The following GLI2 variants were observed in gnomAD, a reference collection of about 807,000 sequenced individuals.
The protein encoded by GLI2 is GLI family zinc finger 2.
GLI2 carries 22 observed loss-of-function variants against 78.9 expected under a neutral mutation model. The observed-to-expected ratio is 0.28, with a 90% CI of 0.20 to 0.40. GLI2 has a LOEUF of 0.40. Among genes scored for constraint, GLI2 ranks in the 10% least tolerant of loss-of-function variants. The probability of loss-of-function intolerance (pLI) is 1.00; values close to 1 mark genes in which losing one functional copy is unlikely to be tolerated. For missense variants in GLI2, 2,097 were observed against 2,213.2 expected (o/e 0.95, Z 1.05); for synonymous variants, 974 against 963.7 (o/e 1.01, Z -0.20).
At chr2:120,833,039 C>T (rs1278358097) in intron 2 of GLI2, among the ~76,000 whole-genome samples, 1 of 151,990 alleles carries the variant, frequency 6.6e-6, no homozygotes, top group East Asian at 2.0e-4. Flanking sequence ...CATGGCTGCC[C>T]ATGGCCTCTT....
At chr2:120,739,695 CG>C (rs1426555082) in intron 1 of GLI2, among the ~76,000 whole-genome samples, 1 of 152,164 alleles carries the variant, frequency 6.6e-6, no homozygotes, top group African/African-American at 2.4e-5. Flanking sequence ...AAAAGGAACC[CG>C]GGGGAGCACT....
intron 6 of GLI2, 35 bp from the exon 7 acceptor site, chr2:120,970,358 C>T (rs1280780825): frequency 5.2e-6 from 6 of 1,148,942 alleles, no homozygotes. Flanking sequence ...CTCCCGATCC[C>T]CCACCCCCAC....
At chr2:120,922,352 T>C (rs1335012834) in intron 2 of GLI2, among the ~76,000 whole-genome samples, 2 of 152,140 alleles carry the variant, frequency 1.3e-5, no homozygotes, top group Non-Finnish European at 2.9e-5. Context: ...TAGCTGGCCT[T>C]ATACATCCCT....
intron 1 of GLI2, among the ~76,000 whole-genome samples, chr2:120,791,402 C>G (rs1009667116): frequency 2.6e-5 from 4 of 152,204 alleles, no homozygotes; most frequent in South Asian, 2.1e-4. Context: ...GAGGAAAGGA[C>G]TGGTGCCCAG....
chr2:120,972,647 G>T (rs1205413645), intron 8 of GLI2: 1 of 518,816 alleles, frequency 1.9e-6, no homozygotes, highest in Non-Finnish European at 3.8e-6. Context: ...TGCCTGACTG[G>T]GTTCCATGCC....
At chr2:120,948,665 T>C (rs1246612939) in intron 3 of GLI2, among the ~76,000 whole-genome samples, 1 of 152,186 alleles carries the variant, frequency 6.6e-6, no homozygotes, top group Non-Finnish European at 1.5e-5. Context: ...GGGCCTGCTG[T>C]GTGGCCTCAC....
At chr2:120,824,757 A>C (rs574303089) in intron 2 of GLI2, among the ~76,000 whole-genome samples, 4 of 152,318 alleles carry the variant, frequency 2.6e-5, no homozygotes, top group African/African-American at 9.6e-5. Context: ...GTTCCAACCA[A>C]GTGGGACATG....
chr2:120,932,165 T>C (rs979217714), intron 3 of GLI2, among the ~76,000 whole-genome samples: 4 of 152,196 alleles, frequency 2.6e-5, no homozygotes, highest in African/African-American at 4.8e-5. Context: ...AAGCCCATGT[T>C]GTAGCTCGCT....
At chr2:120,748,290 A>G (rs1383271729) in intron 1 of GLI2, among the ~76,000 whole-genome samples, 1 of 152,248 alleles carries the variant, frequency 6.6e-6, no homozygotes, top group Admixed American at 6.5e-5. Flanking sequence ...CAGAGAATGC[A>G]AAGTCCTGTC....
chr2:120,921,190 C>T (rs1679360688), intron 2 of GLI2, among the ~76,000 whole-genome samples: 1 of 152,126 alleles, frequency 6.6e-6, no homozygotes. Context: ...TCAGGGTCAA[C>T]CTTTATCCCT....
chr2:120,947,177 C>T (rs1234107766), intron 3 of GLI2, among the ~76,000 whole-genome samples: 1 of 152,182 alleles, frequency 6.6e-6, no homozygotes, highest in Non-Finnish European at 1.5e-5. Context: ...CCCTGCTTAC[C>T]ACCAACCAGT....
intron 2 of GLI2, among the ~76,000 whole-genome samples, chr2:120,908,595 C>T (rs1678658907): frequency 6.6e-6 from 1 of 152,110 alleles, no homozygotes; most frequent in African/African-American, 2.4e-5. Context: ...GCAGTTTCCC[C>T]TTCCTAGGAG....
At chr2:120,815,433 C>T (rs1685447168) in intron 2 of GLI2, among the ~76,000 whole-genome samples, 2 of 152,152 alleles carry the variant, frequency 1.3e-5, no homozygotes, top group Non-Finnish European at 2.9e-5. Context: ...TGACTTGCTA[C>T]CATGCAGACA....
chr2:120,822,665 G>T (rs1425287588), intron 2 of GLI2, among the ~76,000 whole-genome samples: 1 of 152,202 alleles, frequency 6.6e-6, no homozygotes, highest in African/African-American at 2.4e-5. Context: ...TCCCAAGGAT[G>T]ACCCTCACTC....
chr2:120,782,902 A>G lies in GLI2; in HGVS notation c.-30-14389A>G, dbSNP rs1184226605. ...CTGAGTAGAACAGGAGGTTGACTGC[A>G]GGCTCTCTTACAATCCCTGGGACCT... is the stretch of plus-strand genomic sequence containing the variant. On this transcript the variant is annotated intron_variant, in intron 1 of 13. Coordinates refer to ENST00000361492, the MANE Select transcript of GLI2 (RefSeq NM_001374353.1). Among the ~76,000 whole-genome samples, 3 of 152,332 alleles carry G rather than the reference A, an allele frequency of 2.0e-5. No individual in the cohort carries two copies. In the East Asian group the frequency reaches 5.8e-4, roughly 29 times the overall value.
In GLI2 at chr2:120,988,562, C is replaced by G; in HGVS notation, c.2597C>G (p.Pro866Arg). Residue 866 changes from proline (P) to arginine (R), a missense_variant, in exon 14 of 14, where the codon CCG becomes CGG. Coordinates refer to ENST00000361492, the MANE Select transcript of GLI2 (RefSeq NM_001374353.1). ...SGGSGLLNLT[P>R]AQQYSLRAKY... ...GGCTCCGGGCTGCTCAACCTCACGC[C>G]GGCGCAGCAGTACAGCCTGCGGGCC... The G allele has an allele frequency of 1.3e-6, 2 of 1,499,608 alleles. No homozygotes were observed. The highest frequency in any genetic ancestry group is 5.5e-5 in the East Asian group (2 of 36,210). 92.9% of individuals were successfully genotyped at this position (1,499,608 alleles called of 1,614,324 possible).
At chr2:120,899,989 C>T (rs961825376) in intron 2 of GLI2, among the ~76,000 whole-genome samples, 3 of 152,150 alleles carry the variant, frequency 2.0e-5, no homozygotes, top group African/African-American at 4.8e-5. Context: ...TGGGAAGGTG[C>T]GGAGGATTTG....
At chr2:120,798,087 A>G (rs1684493405) in intron 2 of GLI2, among the ~76,000 whole-genome samples, 1 of 152,084 alleles carries the variant, frequency 6.6e-6, no homozygotes, top group South Asian at 2.1e-4. Flanking sequence ...CTGTGTCTGC[A>G]CAGTCCATCT....
At chr2:120,883,914 C>G (rs1677273880) in intron 2 of GLI2, among the ~76,000 whole-genome samples, 1 of 152,202 alleles carries the variant, frequency 6.6e-6, no homozygotes, top group Non-Finnish European at 1.5e-5. Context: ...GGAAAATTGT[C>G]TGTGCTCCAG....
Sources: gnomAD v4.1 joint callset for allele counts (sites outside exome capture counted in the v4.1 genomes callset) on GRCh38, gnomAD v4.1.1 for gene constraint, MANE v1.5 for transcripts, NCBI Gene and HGNC (gene_info 2026-07-23, HGNC 2026-07-21) for gene names.